Variants in CYBA observed in about 807,000 individuals in gnomAD.
CYBA encodes the protein cytochrome b-245 light chain.
CYBA carries 21 observed loss-of-function variants against 20.8 expected under a neutral mutation model. The ratio of observed to expected loss-of-function variants is 1.01; its 90% CI spans 0.72 to 1.46. The LOEUF (loss-of-function observed/expected upper bound fraction) is 1.46. Ranked by LOEUF, CYBA falls within the 40% of genes most tolerant of loss-of-function variation. CYBA has a pLI of 0.00. For synonymous variants in CYBA, 164 were observed against 127.5 expected, an observed-to-expected ratio of 1.29 and a Z score of -1.93; for missense variants, 344 against 287.0, an observed-to-expected ratio of 1.20 and a Z score of -1.43.
Position 88,643,329 on chromosome 16 carries a change from C to T in CYBA, c.*24G>A, listed in dbSNP as rs1049255. 0.5 allele frequency: 733,060 copies of T among 1,467,476 alleles called. 184,305 individuals carry two copies. Among genetic ancestry groups the T allele is most frequent in the Middle Eastern group, 0.56 (2,940 of 5,248 alleles). The allele number at this position is 1,467,476 out of a possible 1,614,324, so 90.9% of individuals were successfully genotyped here. Reference sequence around the variant, plus strand: ...ATTTATTGCAGGTGGGTGCACCTGGCGGGAGGGCAGGTCCGGGGCGAGGTC... The same window carrying T: ...ATTTATTGCAGGTGGGTGCACCTGGTGGGAGGGCAGGTCCGGGGCGAGGTC... On this transcript the variant is annotated 3_prime_UTR_variant, in exon 6 of 6. Coordinates refer to ENST00000261623, the MANE Select transcript of CYBA (RefSeq NM_000101.4). This position sits in a 1 kb window ranked among gnomAD's most constrained non-coding sequence, Gnocchi z 4.3.
chr16:88,648,539 T>C (rs1479560490), intron 1 of CYBA, among the ~76,000 whole-genome samples: 2 of 152,114 alleles, frequency 1.3e-5, no homozygotes, highest in Non-Finnish European at 2.9e-5. Context: ...CCGTCAGCGG[T>C]TTTGCCTTAA....
At chr16:88,645,406 T>C in intron 5 of CYBA, 1 of 702,398 alleles carries the variant, frequency 1.4e-6, no homozygotes, top group South Asian at 1.5e-5. Flanking sequence ...GGCAGTTGCC[T>C]CTGCGGGCAG....
intron 4 of CYBA, 141 bp downstream of exon 4, chr16:88,646,614 C>G: frequency 1.3e-6 from 1 of 783,384 alleles, no homozygotes; most frequent in Non-Finnish European, 2.3e-6. Context: ...CTGCCAGAGC[C>G]AGGGACCCGA....
intron 5 of CYBA, chr16:88,645,804 G>T (rs1347024066): frequency 3.6e-6 from 2 of 550,594 alleles, no homozygotes; most frequent in Non-Finnish European, 6.5e-6. Flanking sequence ...CGTGACCCCA[G>T]GCCAGTCACA....
At chr16:88,646,975 T>C (rs1291532195) in intron 3 of CYBA, 126 bp downstream of exon 3, 1 of 1,199,132 alleles carries the variant, frequency 8.3e-7, no homozygotes, top group African/African-American at 1.5e-5. Context: ...CGGCCTTGGT[T>C]TACCCACAAG....
chr16:88,645,641 A>G (rs1907249729), intron 5 of CYBA: 1 of 593,394 alleles, frequency 1.7e-6, no homozygotes, highest in Admixed American at 3.0e-5. Flanking sequence ...GCAGCCTTCT[A>G]ACAGGGTGCA....
rs768968198 is a variant in CYBA, at chr16:88,646,831, T to G, written c.211A>C (p.Lys71Gln). Residue 71 changes from lysine to glutamine, a missense_variant, in exon 4 of 6, where the codon AAG (lysine) becomes CAG (glutamine). By Grantham distance (53) the Lys-to-Gln change is moderately conservative. Transcript: ENST00000261623. ...AGCTTCACCACGGCGGTCATGTACT[T>G]CTGTCCCCTGGGGGAGGGAGGAAGG... is the stretch of plus-strand genomic sequence containing the variant. ...KGSTMERWGQKYMTAVVKLFG... is the reference protein window; with the variant it reads ...KGSTMERWGQQYMTAVVKLFG... 9 of 1,613,390 alleles carry G rather than the reference T, an allele frequency of 5.6e-6. No individual in the cohort carries two copies. In the East Asian group the frequency reaches 1.6e-4, roughly 28 times the overall value.
In CYBA at chr16:88,646,199, T is replaced by G. The variant is rs112145460; in HGVS notation, c.288-2A>C. The G allele has an allele frequency of 6.7e-7, 1 of 1,489,556 alleles. No homozygotes were observed. The highest frequency in any genetic ancestry group is 8.9e-7 in the Non-Finnish European group (1 of 1,121,964). 92.3% of individuals were successfully genotyped at this position (1,489,556 alleles called of 1,614,324 possible). A position where few individuals can be genotyped will look rare whatever the true frequency, so the allele number is the denominator to read the frequency against. On this transcript the variant is annotated splice_acceptor_variant, in intron 4 of 5. Coordinates refer to ENST00000261623, the MANE Select transcript of CYBA (RefSeq NM_000101.4). LOFTEE classifies it high-confidence loss of function. Reference sequence around the variant, plus strand: ...AGGAAGCCGGCGGGCACCGAGAGCCTGGGGGACAGCGGGTGAGAGGCAGGG... The same window carrying G: ...AGGAAGCCGGCGGGCACCGAGAGCCGGGGGGACAGCGGGTGAGAGGCAGGG...
intron 5 of CYBA, chr16:88,644,804 G>A (rs1195480023): frequency 3.0e-5 from 8 of 271,022 alleles, no homozygotes; most frequent in Admixed American, 1.5e-4. Context: ...CAGCCTGGGC[G>A]ATGGCGCGAG....
At chr16:88,645,337 C>T in intron 5 of CYBA, 1 of 702,460 alleles carries the variant, frequency 1.4e-6, no homozygotes, top group Middle Eastern at 2.3e-4. Flanking sequence ...GGAAGGCGTA[C>T]ACAGAAAGTG....
At chr16:88,646,706 G>A (rs373563020) in intron 4 of CYBA, 49 bp downstream of exon 4, 19 of 1,530,890 alleles carry the variant, frequency 1.2e-5, no homozygotes, top group South Asian at 2.2e-5. Context: ...GGGGAGGGTC[G>A]GCTCCAAGCC....
chr16:88,650,406 G>T, intron 1 of CYBA: 1 of 457,332 alleles, frequency 2.2e-6, no homozygotes, highest in Non-Finnish European at 4.4e-6. Flanking sequence ...TGTGCAGCTG[G>T]GCTGGGCAGG....
intron 1 of CYBA, among the ~76,000 whole-genome samples, chr16:88,648,629 T>C (rs1263149421): frequency 5.3e-5 from 8 of 151,866 alleles, no homozygotes; most frequent in Non-Finnish European, 1.2e-4. Flanking sequence ...TGTTTTTTTT[T>C]TTTTTCGAGA....
chr16:88,646,297 G>A (rs1907277602), intron 4 of CYBA, 100 bp from the exon 5 acceptor site: 1 of 292,108 alleles, frequency 3.4e-6, no homozygotes, highest in Non-Finnish European at 4.9e-6. Flanking sequence ...CTCAGGACAA[G>A]GCAGACTGCA....
chr16:88,650,871 A>T, intron 1 of CYBA, 85 bp downstream of exon 1: 1 of 1,426,560 alleles, frequency 7.0e-7, no homozygotes, highest in Non-Finnish European at 9.6e-7. Context: ...CCACTTCCCC[A>T]CCCTGTAAGT....
chr16:88,648,113 G>T lies in CYBA; in HGVS notation c.60C>A (p.Ile20=), dbSNP rs781702057. 1 of 1,610,892 alleles carries T rather than the reference G, an allele frequency of 6.2e-7. No homozygotes were observed. Among genetic ancestry groups the T allele is most frequent in the Admixed American group, 1.7e-5 (1 of 59,684 alleles). Reference sequence around the variant, plus strand: ...TGGCCACGATGCCCCCGGTGATGAGGACTGCGGGGAGAAGTGGGTCAGGCA... The same window carrying T: ...TGGCCACGATGCCCCCGGTGATGAGTACTGCGGGGAGAAGTGGGTCAGGCA... The part of the protein sequence containing the change: ...ANEQALASGL[I]LITGGIVATA... The change falls in exon 2 of 6, where the codon ATC becomes ATA. Residue 20 remains isoleucine (I), a splice_region_variant and synonymous_variant. Transcript: ENST00000261623.
chr16:88,646,204 GA>G lies in CYBA; in HGVS notation c.288-8del. 6.5e-7 allele frequency: 1 copy of G among 1,548,574 alleles called. No individual in the cohort carries two copies. The highest frequency in any genetic ancestry group is 8.7e-7 in the Non-Finnish European group (1 of 1,150,060). On this transcript the variant is annotated splice_polypyrimidine_tract_variant and splice_region_variant and intron_variant, in intron 4 of 5. Transcript: ENST00000261623. The stretch of plus-strand genomic sequence containing the variant: ...GCCGGCGGGCACCGAGAGCCTGGGG[GA>G]CAGCGGGTGAGAGGCAGGGACACAG...
chr16:88,645,541 G>T (rs1017594492), intron 5 of CYBA: 1 of 650,734 alleles, frequency 1.5e-6, no homozygotes, highest in African/African-American at 1.8e-5. Context: ...GGCAGGCAGA[G>T]GGCATTTCAC....
In CYBA at chr16:88,646,750, C is replaced by T. The variant is rs774198897; in HGVS notation, c.287+5G>A. 1 of 1,612,776 alleles carries T rather than the reference C, an allele frequency of 6.2e-7. No homozygotes were observed. Among genetic ancestry groups the T allele is most frequent in the Non-Finnish European group, 8.5e-7 (1 of 1,179,006 alleles). On this transcript the variant is annotated splice_donor_5th_base_variant and intron_variant, in intron 4 of 5. Coordinates refer to ENST00000261623, the MANE Select transcript of CYBA (RefSeq NM_000101.4). ...CCCTAGAGGGGGTGCGGGACGGGGA[C>T]TCACAGGAGATGCAGGACGGCCCGA... is the stretch of plus-strand genomic sequence containing the variant.
Sources: gnomAD v4.1 joint callset for allele counts (sites outside exome capture counted in the v4.1 genomes callset) on GRCh38, gnomAD v4.1.1 for gene constraint, Gnocchi (gnomAD v3.1) non-coding constraint, MANE v1.5 for transcripts, NCBI Gene and HGNC (gene_info 2026-07-23, HGNC 2026-07-21) for gene names.